Variants in ZBTB43 observed in about 807,000 individuals in gnomAD.
The protein encoded by ZBTB43 is zinc finger and BTB domain-containing protein 43.
In ZBTB43, 6 loss-of-function variants were observed where a neutral mutation model predicts 31.1. The ratio of observed to expected loss-of-function variants is 0.19; its 90% CI spans 0.11 to 0.38. The LOEUF (loss-of-function observed/expected upper bound fraction) is 0.38. Among genes scored for constraint, ZBTB43 ranks in the 10% least tolerant of loss-of-function variants. The probability of loss-of-function intolerance (pLI) is 1.00; values close to 1 mark genes in which losing one functional copy is unlikely to be tolerated. For missense variants in ZBTB43, 379 were observed against 602.1 expected (o/e 0.63, Z 3.88); for synonymous variants, 212 against 221.7 (o/e 0.96, Z 0.39).
intron 2 of ZBTB43, among the ~76,000 whole-genome samples, chr9:126,816,638 G>A (rs966942070): frequency 2.0e-5 from 3 of 152,160 alleles, no homozygotes; most frequent in African/African-American, 7.2e-5. Flanking sequence ...CCCGAATATT[G>A]TTAGAATCAG....
chr9:126,805,283 T>C (rs751708042), intron 1 of ZBTB43, among the ~76,000 whole-genome samples, 151 bp downstream of exon 1: 1 of 152,028 alleles, frequency 6.6e-6, no homozygotes, highest in Non-Finnish European at 1.5e-5. Flanking sequence ...GCGCGGGAGG[T>C]TGGGGTCCCG....
At chr9:126,813,309 A>G (rs144759308) in intron 2 of ZBTB43, among the ~76,000 whole-genome samples, 20 of 152,170 alleles carry the variant, frequency 1.3e-4, no homozygotes, top group Admixed American at 2.0e-4. Flanking sequence ...TACCTAGACT[A>G]CACTTATTGA....
intron 2 of ZBTB43, chr9:126,832,227 A>G (rs761569234): frequency 9.8e-6 from 4 of 409,924 alleles, no homozygotes; most frequent in African/African-American, 6.0e-5. Flanking sequence ...ATAGCTTACA[A>G]ATCTTGTCCC....
intron 1 of ZBTB43, among the ~76,000 whole-genome samples, chr9:126,805,568 T>A (rs1455378159): frequency 6.6e-6 from 1 of 152,250 alleles, no homozygotes; most frequent in Non-Finnish European, 1.5e-5. Context: ...ATCTTCTGTT[T>A]AAGTAAAACA....
Position 126,834,280 on chromosome 9 carries a change from T to C in ZBTB43, c.*367T>C, listed in dbSNP as rs1466779101. ...CTTTGGATCACTCATTATTACAAGGTCATGCTGAAATTTTATTTTGCTCTT... is the reference window on the plus strand; with the variant it reads ...CTTTGGATCACTCATTATTACAAGGCCATGCTGAAATTTTATTTTGCTCTT... On this transcript the variant is annotated 3_prime_UTR_variant, in exon 3 of 3. Coordinates refer to ENST00000373464, the MANE Select transcript of ZBTB43 (RefSeq NM_014007.4). The C allele has an allele frequency of 1.6e-5, 3 of 189,690 alleles. No individual in the cohort carries two copies. The East Asian group carries it at 4.5e-4, about 29-fold the overall frequency. The allele number at this position is 189,690 out of a possible 1,614,324, so 11.8% of individuals were successfully genotyped here.
In ZBTB43 at chr9:126,836,728, G is replaced by A. The variant is rs1438644668; in HGVS notation, c.*2815G>A. 1 of 166,968 alleles carries A rather than the reference G, an allele frequency of 6.0e-6. No homozygotes were observed. Among genetic ancestry groups the A allele is most frequent in the East Asian group, 1.9e-4 (1 of 5,194 alleles). 10.3% of individuals were successfully genotyped at this position (166,968 alleles called of 1,614,324 possible). On this transcript the variant is annotated 3_prime_UTR_variant, in exon 3 of 3. Coordinates refer to ENST00000373464, the MANE Select transcript of ZBTB43 (RefSeq NM_014007.4). ...TCAATGGCCTACAACCAAGCTATTTGTCCCCTACTTTGAGTCTTAACTGTG... is the reference window on the plus strand; with the variant it reads ...TCAATGGCCTACAACCAAGCTATTTATCCCCTACTTTGAGTCTTAACTGTG...
At chr9:126,818,309 A>G (rs1157200519) in intron 2 of ZBTB43, among the ~76,000 whole-genome samples, 1 of 150,380 alleles carries the variant, frequency 6.6e-6, no homozygotes. Flanking sequence ...ATATATATAT[A>G]TATATTTAGA....
intron 2 of ZBTB43, among the ~76,000 whole-genome samples, chr9:126,824,521 T>G (rs546783832): frequency 5.9e-5 from 9 of 152,350 alleles, no homozygotes; most frequent in African/African-American, 2.2e-4. Flanking sequence ...CCTTCATTCT[T>G]GAAAGGATAC....
intron 2 of ZBTB43, among the ~76,000 whole-genome samples, chr9:126,810,752 C>G (rs1258317763): frequency 1.3e-5 from 2 of 151,512 alleles, no homozygotes; most frequent in African/African-American, 4.8e-5. Context: ...ATCCGCCCGC[C>G]TCGGCCTCCC....
chr9:126,811,730 A>G (rs1265913193), intron 2 of ZBTB43, among the ~76,000 whole-genome samples: 1 of 151,968 alleles, frequency 6.6e-6, no homozygotes, highest in Non-Finnish European at 1.5e-5. Context: ...GGTTCAAGTG[A>G]TTCTTCTGCC....
At chr9:126,814,324 A>G (rs2032321891) in intron 2 of ZBTB43, among the ~76,000 whole-genome samples, 4 of 151,192 alleles carry the variant, frequency 2.6e-5, no homozygotes, top group Admixed American at 6.6e-5. Context: ...TACATCTGTA[A>G]AATGTAAATT....
intron 2 of ZBTB43, among the ~76,000 whole-genome samples, chr9:126,815,031 A>T (rs1196971174): frequency 1.3e-5 from 2 of 151,326 alleles, no homozygotes; most frequent in Non-Finnish European, 2.9e-5. Context: ...TGATTTGATT[A>T]TGATGTGCCT....
rs1336476721 is a variant in ZBTB43, at chr9:126,838,182, A to G, written c.*4269A>G. ...CATGCCCTTTTGTATGACATGTTTT[A>G]ATAAATGTTATCTGTCAACTTTGTA... On this transcript the variant is annotated 3_prime_UTR_variant, in exon 3 of 3. Coordinates refer to ENST00000373464, the MANE Select transcript of ZBTB43 (RefSeq NM_014007.4). 2 of 163,476 alleles carry G rather than the reference A, an allele frequency of 1.2e-5. No homozygotes were observed. Among genetic ancestry groups the G allele is most frequent in the Non-Finnish European group, 2.9e-5 (2 of 68,110 alleles). 10.1% of individuals were successfully genotyped at this position (163,476 alleles called of 1,614,324 possible).
chr9:126,817,325 G>A (rs999277261), intron 2 of ZBTB43, among the ~76,000 whole-genome samples: 3 of 151,530 alleles, frequency 2.0e-5, no homozygotes, highest in Admixed American at 6.6e-5. Flanking sequence ...TGCCCAGGCT[G>A]GTCTTGAACT....
At chr9:126,829,006 C>A (rs1354679378) in intron 2 of ZBTB43, among the ~76,000 whole-genome samples, 2 of 152,142 alleles carry the variant, frequency 1.3e-5, no homozygotes, top group Non-Finnish European at 2.9e-5. Flanking sequence ...TGAATCATGT[C>A]ACTTAGGAGA....
At chr9:126,809,714 A>T (rs984781907) in intron 2 of ZBTB43, among the ~76,000 whole-genome samples, 1 of 152,210 alleles carries the variant, frequency 6.6e-6, no homozygotes, top group Non-Finnish European at 1.5e-5. Context: ...CATCTGCGTT[A>T]AAAAAAGCCA....
In ZBTB43 at chr9:126,834,676, T is replaced by G. The variant is rs1395702156; in HGVS notation, c.*763T>G. On this transcript the variant is annotated 3_prime_UTR_variant, in exon 3 of 3. Transcript: ENST00000373464. ...TTGTAATTCTCTAGGGTGCCAGAGA[T>G]AGGTATTTCTCATTGGTTTGCTTTC... 1.2e-5 allele frequency: 2 copies of G among 167,030 alleles called. No homozygotes were observed. Among genetic ancestry groups the G allele is most frequent in the African/African-American group, 4.8e-5 (2 of 41,448 alleles). The allele number at this position is 167,030 out of a possible 1,614,324, so 10.3% of individuals were successfully genotyped here.
intron 2 of ZBTB43, among the ~76,000 whole-genome samples, chr9:126,812,975 C>CT (rs773159172): frequency 0.1 from 15,039 of 143,622 alleles, 2,257 homozygotes; most frequent in African/African-American, 0.34. Flanking sequence ...CCCACTGTTA[C>CT]TTTTTTTTTT....
intron 2 of ZBTB43, among the ~76,000 whole-genome samples, chr9:126,814,315 A>C (rs1289960271): frequency 1.3e-5 from 2 of 150,602 alleles, no homozygotes; most frequent in African/African-American, 2.5e-5. Context: ...GATGAAATTT[A>C]CATCTGTAAA....
Sources: allele counts gnomAD v4.1 joint callset (sites outside exome capture counted in the v4.1 genomes callset), GRCh38; gene constraint gnomAD v4.1.1; transcripts MANE v1.5; gene names NCBI Gene and HGNC (gene_info 2026-07-23, HGNC 2026-07-21).